Variants in HACD3 observed in about 807,000 individuals in gnomAD.
HACD3 encodes 3-hydroxyacyl-CoA dehydratase 3.
HACD3 carries 30 observed loss-of-function variants against 55.2 expected under a neutral mutation model. The ratio of observed to expected loss-of-function variants is 0.54; its 90% CI spans 0.41 to 0.74. The LOEUF (loss-of-function observed/expected upper bound fraction) is 0.74, where lower values mean the gene tolerates loss of function less well. HACD3 is among the 30% of genes least tolerant of loss of function. HACD3 has a pLI of 0.00. For missense variants in HACD3, 363 were observed against 440.1 expected (o/e 0.82, Z 1.57); for synonymous variants, 141 against 151.7 (o/e 0.93, Z 0.52).
At chr15:65,538,442 G>A (rs1330910604) in intron 1 of HACD3, among the ~76,000 whole-genome samples, 2 of 152,190 alleles carry the variant, frequency 1.3e-5, no homozygotes, top group Non-Finnish European at 2.9e-5. Context: ...ACTTAGAAGT[G>A]GAGCCTGAAG....
At chr15:65,557,156 A>G (rs760494317) in intron 4 of HACD3, among the ~76,000 whole-genome samples, 1 of 152,196 alleles carries the variant, frequency 6.6e-6, no homozygotes, top group Non-Finnish European at 1.5e-5. Flanking sequence ...CACTGAAGTA[A>G]AGTGCAATTC....
At chr15:65,569,478 C>T (rs942341422) in intron 7 of HACD3, among the ~76,000 whole-genome samples, 6 of 152,024 alleles carry the variant, frequency 3.9e-5, no homozygotes, top group Admixed American at 6.6e-5. Flanking sequence ...GGGAGGCTGA[C>T]GCAAGAGGAT....
intron 4 of HACD3, among the ~76,000 whole-genome samples, chr15:65,558,168 T>C (rs541919724): frequency 5.9e-5 from 9 of 152,284 alleles, no homozygotes; most frequent in African/African-American, 1.9e-4. Flanking sequence ...CAAGAAAATA[T>C]ATGTTTGGAT....
At chr15:65,557,030 G>A in intron 4 of HACD3, 127 bp downstream of exon 4, 1 of 932,052 alleles carries the variant, frequency 1.1e-6, no homozygotes. Context: ...TTAAAGACCT[G>A]GTGATGTGAT....
At chr15:65,575,248 C>T (rs2072389664) in intron 10 of HACD3, among the ~76,000 whole-genome samples, 1 of 148,882 alleles carries the variant, frequency 6.7e-6, no homozygotes, top group South Asian at 2.1e-4. Flanking sequence ...AGTGCAGTGG[C>T]ACGATCTTGG....
At chr15:65,547,945 T>C (rs912256549) in intron 1 of HACD3, among the ~76,000 whole-genome samples, 3 of 152,142 alleles carry the variant, frequency 2.0e-5, no homozygotes, top group African/African-American at 7.2e-5. Flanking sequence ...TGTGGAACAG[T>C]GTGATAAGTA....
intron 1 of HACD3, among the ~76,000 whole-genome samples, chr15:65,543,233 C>T (rs2072040168): frequency 2.6e-5 from 4 of 152,036 alleles, no homozygotes. Flanking sequence ...AGATCATGTC[C>T]TTTTTAAAAA....
intron 1 of HACD3, among the ~76,000 whole-genome samples, chr15:65,543,072 C>G (rs1354160859): frequency 7.5e-6 from 1 of 133,650 alleles, no homozygotes; most frequent in African/African-American, 2.8e-5. Context: ...CTCTGTCTCT[C>G]TAAAAAAAAA....
At chr15:65,564,396 A>G in intron 7 of HACD3, 54 bp downstream of exon 7, 2 of 1,585,444 alleles carry the variant, frequency 1.3e-6, no homozygotes, top group East Asian at 2.2e-5. Context: ...TTATTTGTCT[A>G]GTGGGTATGT....
At chr15:65,551,474 G>A (rs1162737986) in intron 1 of HACD3, among the ~76,000 whole-genome samples, 2 of 152,212 alleles carry the variant, frequency 1.3e-5, no homozygotes, top group Non-Finnish European at 2.9e-5. Flanking sequence ...TCTTGCAGGA[G>A]TCTGCAGTCT....
chr15:65,544,023 A>G (rs576509696), intron 1 of HACD3, among the ~76,000 whole-genome samples: 16 of 152,136 alleles, frequency 1.1e-4, no homozygotes, highest in African/African-American at 3.9e-4. Flanking sequence ...AAAAATACAA[A>G]AAAATTACCC....
At chr15:65,533,354 G>T (rs959171361) in intron 1 of HACD3, among the ~76,000 whole-genome samples, 1 of 152,306 alleles carries the variant, frequency 6.6e-6, no homozygotes, top group East Asian at 1.9e-4. Context: ...TGGGAGTTTC[G>T]TGGTTGGGTA....
intron 2 of HACD3, among the ~76,000 whole-genome samples, chr15:65,554,035 C>T (rs182281785): frequency 6.6e-6 from 1 of 152,310 alleles, no homozygotes; most frequent in East Asian, 1.9e-4. Context: ...TTTCCTTGTT[C>T]CATTTGGGAT....
chr15:65,539,332 C>T (rs1022650872), intron 1 of HACD3, among the ~76,000 whole-genome samples: 3 of 150,666 alleles, frequency 2.0e-5, no homozygotes, highest in South Asian at 2.1e-4. Context: ...GTGATTCTCC[C>T]GCCTCAGCCT....
At chr15:65,562,913 C>T (rs751778166) in intron 6 of HACD3, 29 bp downstream of exon 6, 27 of 1,609,734 alleles carry the variant, frequency 1.7e-5, no homozygotes, top group Non-Finnish European at 1.9e-5. Flanking sequence ...GATTAATTTT[C>T]CCTTTCTCAG....
chr15:65,567,449 G>A (rs1002639631), intron 7 of HACD3, among the ~76,000 whole-genome samples: 3 of 152,116 alleles, frequency 2.0e-5, no homozygotes, highest in Admixed American at 6.5e-5. Context: ...ATATACAGAC[G>A]TAATTTTCTT....
rs1350761049 is a variant in HACD3, at chr15:65,576,532, A to T, written c.*153A>T. On this transcript the variant is annotated 3_prime_UTR_variant, in exon 11 of 11. Coordinates refer to ENST00000261875, the MANE Select transcript of HACD3 (RefSeq NM_016395.4). ...TTTCCCCAGTAACATTCCTGAATTT[A>T]CTGTTATCTTATTGTAGTACTTGCA... is the stretch of plus-strand genomic sequence containing the variant. 2.5e-6 allele frequency: 2 copies of T among 793,584 alleles called. No homozygotes were observed. The highest frequency in any genetic ancestry group is 3.9e-6 in the Non-Finnish European group (2 of 513,478). 49.2% of individuals were successfully genotyped at this position (793,584 alleles called of 1,614,324 possible).
At chr15:65,556,396 C>T (rs141266148) in intron 3 of HACD3, among the ~76,000 whole-genome samples, 6 of 152,276 alleles carry the variant, frequency 3.9e-5, no homozygotes, top group Middle Eastern at 3.4e-3. Context: ...AGTTCACGCT[C>T]CTATGTGAAT....
chr15:65,539,836 AAAG>A (rs2072002630), intron 1 of HACD3, among the ~76,000 whole-genome samples: 1 of 141,208 alleles, frequency 7.1e-6, no homozygotes, highest in Admixed American at 7.2e-5. Flanking sequence ...TATCAAATAA[AAAG>A]CAAGTTGAAG....
Sources: gnomAD v4.1 joint callset for allele counts (sites outside exome capture counted in the v4.1 genomes callset) on GRCh38, gnomAD v4.1.1 for gene constraint, MANE v1.5 for transcripts, NCBI Gene and HGNC (gene_info 2026-07-23, HGNC 2026-07-21) for gene names.